Variants in TRIP12 observed in about 807,000 individuals in gnomAD.
TRIP12 encodes the protein thyroid hormone receptor interactor 12.
TRIP12 carries 25 observed loss-of-function variants against 244.2 expected under a neutral mutation model. That is an observed-to-expected ratio of 0.10 (90% CI 0.07 to 0.14). The LOEUF (loss-of-function observed/expected upper bound fraction) is 0.14, where lower values mean the gene tolerates loss of function less well. Ranked by LOEUF, TRIP12 falls within the 10% of genes least tolerant of loss-of-function variation. TRIP12 has a pLI of 1.00. For synonymous variants in TRIP12, 905 were observed against 873.1 expected, an observed-to-expected ratio of 1.04 and a Z score of -0.64; for missense variants, 1,677 against 2,486.4, an observed-to-expected ratio of 0.67 and a Z score of 6.92.
Position 229,814,114 on chromosome 2 carries a change from A to C in TRIP12, c.1825-83T>G, listed in dbSNP as rs879560439. 41 of 1,523,196 alleles carry C rather than the reference A, an allele frequency of 2.7e-5. No homozygotes were observed. The Admixed American group carries it at 7.1e-4, about 26-fold the overall frequency. The allele number at this position is 1,523,196 out of a possible 1,614,324, so 94.4% of individuals were successfully genotyped here. A position where few individuals can be genotyped will look rare whatever the true frequency, so the allele number is the denominator to read the frequency against. On this transcript the variant is annotated intron_variant, in intron 12 of 41. Transcript: ENST00000675903. ...ATTTAACTCATAAAAAGTCTAGCACATTACTCTGGAAACAACATTTGTATC... is the reference window on the plus strand; with the variant it reads ...ATTTAACTCATAAAAAGTCTAGCACCTTACTCTGGAAACAACATTTGTATC...
intron 1 of TRIP12, among the ~76,000 whole-genome samples, chr2:229,898,421 A>G (rs906978274): frequency 6.6e-6 from 1 of 152,226 alleles, no homozygotes; most frequent in African/African-American, 2.4e-5. Flanking sequence ...CCAGAATTAT[A>G]GCAAGAGAAA....
At chr2:229,875,630 A>G (rs2063445351) in intron 2 of TRIP12, among the ~76,000 whole-genome samples, 1 of 152,244 alleles carries the variant, frequency 6.6e-6, no homozygotes, top group Non-Finnish European at 1.5e-5. Context: ...CCACATTTGT[A>G]AGAGAGATTA....
Position 229,785,863 on chromosome 2 carries a change from G to T in TRIP12, c.4996-8C>A. 1 of 1,608,054 alleles carries T rather than the reference G, an allele frequency of 6.2e-7. No individual in the cohort carries two copies. The highest frequency in any genetic ancestry group is 8.5e-7 in the Non-Finnish European group (1 of 1,177,548). ...CTCTCGGTTCACAGTACGCTACAAA[G>T]AAAGTACAACTGTCAGGAAACTATG... On this transcript the variant is annotated splice_region_variant and splice_polypyrimidine_tract_variant and intron_variant, in intron 33 of 41. Coordinates refer to ENST00000675903, the MANE Select transcript of TRIP12 (RefSeq NM_001348323.3).
intron 4 of TRIP12, among the ~76,000 whole-genome samples, chr2:229,843,189 A>C (rs2056885418): frequency 6.6e-6 from 1 of 151,620 alleles, no homozygotes; most frequent in Non-Finnish European, 1.5e-5. Context: ...ACTCAACCAG[A>C]ATGTCACTGG....
chr2:229,867,622 A>G (rs895357037), intron 2 of TRIP12, among the ~76,000 whole-genome samples: 1 of 152,184 alleles, frequency 6.6e-6, no homozygotes, highest in Admixed American at 6.5e-5. Flanking sequence ...AGTTAGTATA[A>G]GAATCATTTG....
At chr2:229,819,647 C>T (rs1438551022) in intron 8 of TRIP12, among the ~76,000 whole-genome samples, 1 of 152,190 alleles carries the variant, frequency 6.6e-6, no homozygotes, top group African/African-American at 2.4e-5. Context: ...TAACACTTAA[C>T]CAATCTTATA....
chr2:229,792,826 T>G, intron 27 of TRIP12, 147 bp downstream of exon 27: 1 of 813,082 alleles, frequency 1.2e-6, no homozygotes, highest in South Asian at 2.4e-5. Flanking sequence ...ATATACTAAG[T>G]AGAAAATAAA....
chr2:229,832,039 G>A (rs767991559), intron 6 of TRIP12, among the ~76,000 whole-genome samples: 46 of 151,998 alleles, frequency 3.0e-4, no homozygotes, highest in South Asian at 1.5e-3. Flanking sequence ...TAACATATGC[G>A]AGTTTAAAGA....
At chr2:229,891,944 T>C (rs1576751381) in intron 1 of TRIP12, among the ~76,000 whole-genome samples, 2 of 152,344 alleles carry the variant, frequency 1.3e-5, no homozygotes, top group South Asian at 4.1e-4. Context: ...TTAATAAGTA[T>C]ACTGTATCAA....
chr2:229,864,115 T>C lies in TRIP12; in HGVS notation c.99-3584A>G, dbSNP rs187990017. On this transcript the variant is annotated intron_variant, in intron 2 of 41. Coordinates refer to ENST00000675903, the MANE Select transcript of TRIP12 (RefSeq NM_001348323.3). Reference sequence around the variant, plus strand: ...GTGCACACATGTGTTCAGGAGCTTCTATAACAACATATGGGTATTCCTGAA... The same window carrying C: ...GTGCACACATGTGTTCAGGAGCTTCCATAACAACATATGGGTATTCCTGAA... 4.0e-3 allele frequency among the ~76,000 whole-genome samples: 612 copies of C among 151,622 alleles called. 1 individual carries two copies. Among genetic ancestry groups the C allele is most frequent in the Middle Eastern group, 0.01 (3 of 294 alleles).
chr2:229,879,873 A>T (rs2064455418), intron 2 of TRIP12, 109 bp downstream of exon 2: 1 of 1,235,902 alleles, frequency 8.1e-7, no homozygotes, highest in Admixed American at 2.0e-5. Flanking sequence ...AAATCAGGAA[A>T]AATTACCCAT....
Position 229,804,018 on chromosome 2 carries a change from T to C in TRIP12, c.2860A>G (p.Lys954Glu). ...ADAELLKDVL[K>E]NHAVSSHIAS... ...ACACACCTTGAAACAGCATGATTTT[T>C]CAGAACATCCTTCAGAAGTTCAGCA... The change falls in exon 19 of 42, where the codon AAA (lysine) becomes GAA (glutamate). Residue 954 changes from lysine (K) to glutamate (E), a missense_variant. Lys to Glu is a moderately conservative substitution (Grantham distance 56). Around this residue, in one of 11 missense-constraint regions of TRIP12, gnomAD observed 572 missense variants for 867.8 expected, o/e 0.66. Coordinates refer to ENST00000675903, the MANE Select transcript of TRIP12 (RefSeq NM_001348323.3). 5 of 1,613,458 alleles carry C rather than the reference T, an allele frequency of 3.1e-6. No individual in the cohort carries two copies. Among genetic ancestry groups the C allele is most frequent in the Non-Finnish European group, 3.4e-6 (4 of 1,179,794 alleles).
intron 2 of TRIP12, among the ~76,000 whole-genome samples, chr2:229,863,909 AT>A (rs981641935): frequency 6.6e-6 from 1 of 152,286 alleles, no homozygotes; most frequent in African/African-American, 2.4e-5. Flanking sequence ...TATAAATAAA[AT>A]TTGTAGAACA....
intron 1 of TRIP12, among the ~76,000 whole-genome samples, chr2:229,892,320 G>T (rs748499051): frequency 2.6e-5 from 4 of 152,130 alleles, no homozygotes; most frequent in Non-Finnish European, 5.9e-5. Flanking sequence ...GGAAGGAAAG[G>T]TATGTATTTG....
At position 229,767,529 on chromosome 2, in the gene TRIP12, G is replaced by A; in HGVS notation, c.*25C>T. The A allele has an allele frequency of 2.5e-6, 4 of 1,573,872 alleles. No individual in the cohort carries two copies. Among genetic ancestry groups the A allele is most frequent in the Non-Finnish European group, 3.5e-6 (4 of 1,158,888 alleles). On this transcript the variant is annotated 3_prime_UTR_variant, in exon 42 of 42. Coordinates refer to ENST00000675903, the MANE Select transcript of TRIP12 (RefSeq NM_001348323.3). ...TGATTTGTTTCTTTTGCTGTAACAGGCAGACACTGCATTTCTTGCTATGAT... is the reference window on the plus strand; with the variant it reads ...TGATTTGTTTCTTTTGCTGTAACAGACAGACACTGCATTTCTTGCTATGAT...
intron 1 of TRIP12, among the ~76,000 whole-genome samples, chr2:229,888,008 T>C (rs1363004314): frequency 1.3e-5 from 2 of 152,206 alleles, no homozygotes; most frequent in Admixed American, 6.5e-5. Flanking sequence ...TGCCTATAAA[T>C]ACCCAGTTCC....
intron 41 of TRIP12, 29 bp downstream of exon 41, chr2:229,768,587 T>A (rs754563566): frequency 1.9e-6 from 3 of 1,601,744 alleles, no homozygotes; most frequent in Admixed American, 3.5e-5. Context: ...ATAGGTAGAA[T>A]AAATGCTAAA....
chr2:229,810,684 T>A (rs2047047926), intron 15 of TRIP12, among the ~76,000 whole-genome samples, 196 bp downstream of exon 15: 3 of 152,312 alleles, frequency 2.0e-5, no homozygotes, highest in East Asian at 1.9e-4. Flanking sequence ...ACATTTAATT[T>A]ATACTTTAAA....
chr2:229,865,331 AAAAAAAAAAAAAG>A (rs1389035008), intron 2 of TRIP12, among the ~76,000 whole-genome samples: 80 of 68,478 alleles, frequency 1.2e-3, no homozygotes, highest in Middle Eastern at 5.2e-3. Flanking sequence ...AAAAAAAAAA[AAAAAAAAAAAAAG>A]AAAGAAAGAA....
Sources: gnomAD v4.1 joint callset for allele counts (sites outside exome capture counted in the v4.1 genomes callset) on GRCh38, gnomAD v4.1.1 for gene constraint, gnomAD v4.1.1 regional missense constraint, MANE v1.5 for transcripts, NCBI Gene and HGNC (gene_info 2026-07-23, HGNC 2026-07-21) for gene names.